Variants in CHRNA7 observed in about 807,000 individuals in gnomAD.
The protein encoded by CHRNA7 is cholinergic receptor nicotinic alpha 7 subunit.
CHRNA7 carries 17 observed loss-of-function variants against 48.0 expected under a neutral mutation model. That is an observed-to-expected ratio of 0.35 (90% CI 0.24 to 0.53). The LOEUF is 0.53. CHRNA7 is among the 20% of genes least tolerant of loss of function. The pLI is 0.92. For missense variants in CHRNA7, 155 were observed against 577.7 expected (o/e 0.27, Z 7.50); for synonymous variants, 75 against 242.3 (o/e 0.31, Z 6.41).
At position 32,148,881 on chromosome 15, in the gene CHRNA7, G is replaced by A. The variant is rs547739531; in HGVS notation, c.351-5026G>A. On this transcript the variant is annotated intron_variant, in intron 4 of 9. Coordinates refer to ENST00000306901, the MANE Select transcript of CHRNA7 (RefSeq NM_000746.6). ...CTCCGCCAGGGGCCTGTCCACATCC[G>A]TTTCCGTCTTTGGGAGCTCTGGCTA... 1.7e-3 allele frequency among the ~76,000 whole-genome samples: 256 copies of A among 152,334 alleles called. 1 individual carries two copies. The highest frequency in any genetic ancestry group is 3.2e-3 in the Non-Finnish European group (219 of 68,032).
intron 2 of CHRNA7, among the ~76,000 whole-genome samples, chr15:32,043,308 T>C (rs1002091229): frequency 1.3e-5 from 2 of 152,184 alleles, no homozygotes; most frequent in African/African-American, 4.8e-5. Context: ...GTTGGGTTTT[T>C]AAAAAAATTG....
chr15:32,035,656 A>G (rs2141162237), intron 2 of CHRNA7, among the ~76,000 whole-genome samples: 1 of 152,340 alleles, frequency 6.6e-6, no homozygotes, highest in Non-Finnish European at 1.5e-5. Flanking sequence ...TACATTCATT[A>G]GCCACTATTT....
rs1297358621 is a variant in CHRNA7, at chr15:32,111,792, T to G, written c.243T>G (p.Ser81=). ...VLTTNIWLQM[S]WTDHYLQWNV... ...GCTAATGTCATTGTGTGTGTCAGTC[T>G]TGGACAGATCACTATTTACAGTGGA... is the stretch of plus-strand genomic sequence containing the variant. The change falls in exon 4 of 10, where the codon TCT becomes TCG. Residue 81 remains serine (S), a splice_region_variant and synonymous_variant. Transcript: ENST00000306901. 1.9e-6 allele frequency: 3 copies of G among 1,603,560 alleles called. No individual in the cohort carries two copies. The Admixed American group carries it at 5.0e-5, about 27-fold the overall frequency.
At chr15:32,091,027 T>C (rs2050373926) in intron 2 of CHRNA7, among the ~76,000 whole-genome samples, 2 of 152,164 alleles carry the variant, frequency 1.3e-5, no homozygotes, top group African/African-American at 2.4e-5. Context: ...AACCCACCCA[T>C]TGAGCTTTTA....
rs148523647 is a variant in CHRNA7, at chr15:32,031,112, G to A, written c.195+75G>A. 4.3e-3 allele frequency: 6,775 copies of A among 1,583,738 alleles called. 31 individuals are homozygous for A. The highest frequency in any genetic ancestry group is 8.4e-3 in the Admixed American group (492 of 58,284). On this transcript the variant is annotated intron_variant, in intron 2 of 9. Coordinates refer to ENST00000306901, the MANE Select transcript of CHRNA7 (RefSeq NM_000746.6). ...AGGGGCTTTTTAGACAGCGTCGGGC[G>A]GCCAGGCGGTGGAGCTCGGCTGGGG...
intron 2 of CHRNA7, among the ~76,000 whole-genome samples, chr15:32,051,943 C>T (rs1019922771): frequency 5.9e-5 from 9 of 152,180 alleles, no homozygotes; most frequent in African/African-American, 1.9e-4. Flanking sequence ...TCCCAAAGTG[C>T]TGGGATTGCA....
chr15:32,035,720 T>C (rs994028632), intron 2 of CHRNA7, among the ~76,000 whole-genome samples: 1 of 152,226 alleles, frequency 6.6e-6, no homozygotes, highest in African/African-American at 2.4e-5. Flanking sequence ...CCCACATACC[T>C]AGAATATATT....
chr15:32,057,400 C>A (rs755430214), intron 2 of CHRNA7, among the ~76,000 whole-genome samples: 4 of 152,088 alleles, frequency 2.6e-5, no homozygotes, highest in Non-Finnish European at 5.9e-5. Context: ...AAAAAAATTT[C>A]CCTAAGTTTC....
intron 4 of CHRNA7, among the ~76,000 whole-genome samples, chr15:32,130,688 C>T (rs896623995): frequency 2.0e-5 from 3 of 151,334 alleles, no homozygotes; most frequent in African/African-American, 7.3e-5. Flanking sequence ...TTCATGGTTG[C>T]TCTTGATATT....
intron 4 of CHRNA7, among the ~76,000 whole-genome samples, chr15:32,130,664 CTT>C (rs2051139720): frequency 6.6e-6 from 1 of 151,194 alleles, no homozygotes; most frequent in African/African-American, 2.4e-5. Flanking sequence ...GAGTATGTCT[CTT>C]TGTACACCTA....
At chr15:32,059,659 A>G (rs914664259) in intron 2 of CHRNA7, among the ~76,000 whole-genome samples, 1 of 152,198 alleles carries the variant, frequency 6.6e-6, no homozygotes, top group Non-Finnish European at 1.5e-5. Flanking sequence ...AGAAATTCCA[A>G]CTTGAGTCTA....
At chr15:32,066,343 G>A (rs559363393) in intron 2 of CHRNA7, among the ~76,000 whole-genome samples, 12 of 151,344 alleles carry the variant, frequency 7.9e-5, no homozygotes, top group East Asian at 3.9e-4. Flanking sequence ...GTGCGGTGGC[G>A]CGATGTCCAC....
intron 4 of CHRNA7, among the ~76,000 whole-genome samples, chr15:32,133,812 C>G (rs985977051): frequency 1.3e-5 from 2 of 152,134 alleles, no homozygotes; most frequent in African/African-American, 4.8e-5. Context: ...CTCTGGGCAC[C>G]TGGCAGAATG....
intron 2 of CHRNA7, among the ~76,000 whole-genome samples, chr15:32,081,954 A>G (rs1328126374): frequency 6.6e-6 from 1 of 151,748 alleles, no homozygotes; most frequent in Non-Finnish European, 1.5e-5. Flanking sequence ...TTTTTCTTTC[A>G]TTTTTGACCA....
intron 2 of CHRNA7, among the ~76,000 whole-genome samples, chr15:32,048,838 T>G (rs1385447014): frequency 6.6e-6 from 1 of 151,962 alleles, no homozygotes; most frequent in African/African-American, 2.4e-5. Context: ...GACACTGCTT[T>G]GAATGCATCC....
intron 2 of CHRNA7, among the ~76,000 whole-genome samples, chr15:32,045,606 G>A (rs1034748174): frequency 2.0e-5 from 3 of 151,160 alleles, no homozygotes; most frequent in Non-Finnish European, 2.9e-5. Context: ...GCACAGTCTC[G>A]GCTCACTGCA....
chr15:32,058,608 G>A (rs1025256191), intron 2 of CHRNA7, among the ~76,000 whole-genome samples: 2 of 152,178 alleles, frequency 1.3e-5, no homozygotes, highest in African/African-American at 4.8e-5. Flanking sequence ...TGAACACAGA[G>A]TAGGATACAT....
chr15:32,120,675 A>G (rs1489764656), intron 4 of CHRNA7, among the ~76,000 whole-genome samples: 2 of 151,884 alleles, frequency 1.3e-5, no homozygotes. Flanking sequence ...ATGGTGTTGC[A>G]TTGAGGTGGC....
intron 2 of CHRNA7, among the ~76,000 whole-genome samples, chr15:32,086,309 C>T (rs574859576): frequency 1.4e-4 from 18 of 132,620 alleles, no homozygotes; most frequent in African/African-American, 4.6e-4. Flanking sequence ...GCGGAGGTTG[C>T]AGTGAGCCAA....
Sources: gnomAD v4.1 joint callset for allele counts (sites outside exome capture counted in the v4.1 genomes callset) on GRCh38, gnomAD v4.1.1 for gene constraint, MANE v1.5 for transcripts, NCBI Gene and HGNC (gene_info 2026-07-23, HGNC 2026-07-21) for gene names.